MILR1: variants seen among roughly 807,000 people sequenced by gnomAD.
The protein encoded by MILR1 is mast cell immunoglobulin like receptor 1, also known as allergin-1.
MILR1 carries 31 observed loss-of-function variants against 18.5 expected under a neutral mutation model. The ratio of observed to expected loss-of-function variants is 1.68; its 90% CI spans 1.26 to 2.26. The LOEUF (loss-of-function observed/expected upper bound fraction) is 2.26. MILR1 is among the 30% of genes most tolerant of loss of function. MILR1 has a pLI of 0.00. For missense variants in MILR1, 257 were observed against 157.4 expected (o/e 1.63, Z -3.38); for synonymous variants, 85 against 56.2 (o/e 1.51, Z -2.30).
chr17:64,486,775 C>T, the MILR1 span: 2 of 152,014 alleles, frequency 1.3e-5, no homozygotes, highest in Non-Finnish European at 2.9e-5. Context: ...TTTTCTGAAA[C>T]GTAAAGTTAT....
chr17:64,491,112 TAA>T, the MILR1 span: 1 of 702,830 alleles, frequency 1.4e-6, no homozygotes, highest in Non-Finnish European at 2.4e-6. Context: ...ATACAAATTT[TAA>T]AGTTTATTCT....
In MILR1 at chr17:64,457,654, T is replaced by C; in HGVS notation, c.622T>C (p.Tyr208His). 1 of 475,212 alleles carries C rather than the reference T, an allele frequency of 2.1e-6. No individual in the cohort carries two copies. Among genetic ancestry groups the C allele is most frequent in the Non-Finnish European group, 3.9e-6 (1 of 259,064 alleles). The allele number at this position is 475,212 out of a possible 1,614,324, so 29.4% of individuals were successfully genotyped here. ...AKNRLPNYAT[Y>H]SHPVTMPSTG... ...AAACAGATTGCCTAACTATGCAACA[T>C]ACAGTCACCCTGTCACCATGCCCTC... The change falls in exon 4 of 10, where the codon TAC becomes CAC. Residue 208 changes from tyrosine (Y) to histidine (H), a missense_variant. Physicochemically the swap from Tyr to His is moderately conservative, Grantham distance 83. Transcript: ENST00000619286.
the MILR1 span, chr17:64,497,002 C>T: frequency 6.3e-6 from 10 of 1,577,356 alleles, no homozygotes; most frequent in East Asian, 1.6e-4. Flanking sequence ...ACTCTCCCAT[C>T]ACTCAACGGA....
chr17:64,496,801 G>A, the MILR1 span: 3 of 1,613,778 alleles, frequency 1.9e-6, no homozygotes, highest in South Asian at 3.3e-5. Context: ...GGGCTTCTGG[G>A]TGCTCGCCGT....
intron 4 of MILR1, among the ~76,000 whole-genome samples, 183 bp downstream of exon 4, chr17:64,457,867 C>T (rs2037335498): frequency 6.6e-6 from 1 of 152,126 alleles, no homozygotes; most frequent in Non-Finnish European, 1.5e-5. Context: ...CACCTGTAAT[C>T]CCAGCACTTT....
the MILR1 span, among the ~76,000 whole-genome samples, chr17:64,493,922 C>T: frequency 1.4e-4 from 21 of 152,194 alleles, no homozygotes; most frequent in Admixed American, 4.6e-4. Flanking sequence ...CAAATACTGC[C>T]GCATACATCT....
At chr17:64,456,717 A>T (rs1434512358) in intron 3 of MILR1, among the ~76,000 whole-genome samples, 1 of 152,142 alleles carries the variant, frequency 6.6e-6, no homozygotes, top group Admixed American at 6.5e-5. Context: ...CAGGAGGATC[A>T]CTTGAGCCTG....
intron 3 of MILR1, among the ~76,000 whole-genome samples, chr17:64,454,582 T>C (rs1325127812): frequency 6.6e-6 from 1 of 152,224 alleles, no homozygotes; most frequent in Admixed American, 6.5e-5. Flanking sequence ...TTTTAGGTTA[T>C]AACTGTCTTA....
chr17:64,496,958 C>G, the MILR1 span: 14 of 1,606,124 alleles, frequency 8.7e-6, no homozygotes, highest in Non-Finnish European at 1.2e-5. Flanking sequence ...GACGGCTACA[C>G]GAGAGCGCAT....
chr17:64,482,222 G>C, the MILR1 span, among the ~76,000 whole-genome samples: 1 of 148,272 alleles, frequency 6.7e-6, no homozygotes, highest in East Asian at 2.0e-4. Flanking sequence ...TTGTGCCTTA[G>C]CCTCCTGAAT....
intron 5 of MILR1, among the ~76,000 whole-genome samples, chr17:64,464,947 G>A (rs1314721802): frequency 1.3e-5 from 2 of 151,784 alleles, no homozygotes; most frequent in Non-Finnish European, 2.9e-5. Flanking sequence ...AATTAGCTGG[G>A]CATGGTGGTG....
chr17:64,479,467 G>A, the MILR1 span, among the ~76,000 whole-genome samples: 2 of 152,098 alleles, frequency 1.3e-5, no homozygotes, highest in Admixed American at 6.6e-5. Context: ...TTACAGGTGT[G>A]AGCCACTGCG....
the MILR1 span, among the ~76,000 whole-genome samples, chr17:64,492,482 G>C: frequency 2.6e-5 from 4 of 152,084 alleles, no homozygotes. Flanking sequence ...CCCAACAAAT[G>C]TTTTTACCAA....
intron 6 of MILR1, among the ~76,000 whole-genome samples, chr17:64,465,875 C>T (rs938596045): frequency 2.0e-5 from 3 of 152,078 alleles, no homozygotes; most frequent in Admixed American, 6.6e-5. Flanking sequence ...CAGTCTTTCA[C>T]GGTCACCTCT....
chr17:64,463,028 G>T (rs1191255275), intron 5 of MILR1, among the ~76,000 whole-genome samples: 1 of 151,726 alleles, frequency 6.6e-6, no homozygotes, highest in Non-Finnish European at 1.5e-5. Context: ...TCTACTATAA[G>T]ATTTTTTAAA....
At chr17:64,466,936 C>T (rs1301315270) in intron 8 of MILR1, among the ~76,000 whole-genome samples, 2 of 151,644 alleles carry the variant, frequency 1.3e-5, no homozygotes, top group African/African-American at 4.8e-5. Context: ...CATTTCCTTC[C>T]TTCCTTCCTT....
At chr17:64,486,183 T>C in the MILR1 span, among the ~76,000 whole-genome samples, 2 of 152,314 alleles carry the variant, frequency 1.3e-5, no homozygotes, top group Non-Finnish European at 2.9e-5. Context: ...CTGAGCTCAG[T>C]GTTTCATCAG....
At chr17:64,474,631 T>A in the MILR1 span, among the ~76,000 whole-genome samples, 139 of 152,092 alleles carry the variant, frequency 9.1e-4, no homozygotes, top group African/African-American at 3.2e-3. Flanking sequence ...TGTCTCAGCC[T>A]CCCAAAGTAT....
the MILR1 span, among the ~76,000 whole-genome samples, chr17:64,478,358 ATAT>A: frequency 6.6e-6 from 1 of 152,152 alleles, no homozygotes; most frequent in Admixed American, 6.5e-5. Context: ...ACAATAAACA[ATAT>A]TATAATAAAG....
Sources: gnomAD v4.1 joint callset for allele counts (sites outside exome capture counted in the v4.1 genomes callset) on GRCh38, gnomAD v4.1.1 for gene constraint, MANE v1.5 for transcripts, NCBI Gene and HGNC (gene_info 2026-07-23, HGNC 2026-07-21) for gene names.